Variants in CNTN5 observed in about 807,000 individuals in gnomAD.
CNTN5 encodes contactin-5.
Under a neutral mutation model 129.1 loss-of-function variants are expected in CNTN5, and 77 were observed. The ratio of observed to expected loss-of-function variants is 0.60; its 90% confidence interval spans 0.50 to 0.72. The LOEUF is 0.72. Among genes scored for constraint, CNTN5 ranks in the 30% least tolerant of loss-of-function variants. The probability of loss-of-function intolerance (pLI) is 0.00; values close to 1 mark genes in which losing one functional copy is unlikely to be tolerated. For missense variants in CNTN5, 1,478 were observed against 1,328.8 expected, an observed-to-expected ratio of 1.11 and a Z score of -1.75; for synonymous variants, 509 against 465.6, an observed-to-expected ratio of 1.09 and a Z score of -1.20.
chr11:99,216,242 G>A (rs4388849), intron 1 of CNTN5, among the ~76,000 whole-genome samples: 98,964 of 151,886 alleles, frequency 0.65, 32,636 homozygotes, highest in African/African-American at 0.74. Context: ...AAGTGAGAAC[G>A]TGTGATATTT....
intron 9 of CNTN5, among the ~76,000 whole-genome samples, chr11:100,043,440 A>C (rs1395401077): frequency 6.6e-6 from 1 of 152,194 alleles, no homozygotes; most frequent in Non-Finnish European, 1.5e-5. Context: ...CAAAAAATTT[A>C]GGAGACTTAA....
intron 2 of CNTN5, among the ~76,000 whole-genome samples, chr11:99,539,047 C>T (rs1044555043): frequency 4.6e-5 from 7 of 152,074 alleles, no homozygotes; most frequent in African/African-American, 1.7e-4. Context: ...CATGACTTTT[C>T]CAGCCACACG....
chr11:100,199,935 TA>T (rs1948736968), intron 15 of CNTN5, among the ~76,000 whole-genome samples: 1 of 152,028 alleles, frequency 6.6e-6, no homozygotes, highest in African/African-American at 2.4e-5. Flanking sequence ...AAACCTGATA[TA>T]AAGCGTTTTC....
intron 9 of CNTN5, among the ~76,000 whole-genome samples, chr11:100,020,110 T>C (rs563144636): frequency 6.6e-6 from 1 of 152,222 alleles, no homozygotes; most frequent in African/African-American, 2.4e-5. Context: ...GTTGATTGTT[T>C]GTTTTATCAG....
At chr11:99,185,281 C>A (rs912642772) in intron 1 of CNTN5, among the ~76,000 whole-genome samples, 2 of 24,892 alleles carry the variant, frequency 8.0e-5, no homozygotes, top group Non-Finnish European at 1.9e-4. Flanking sequence ...GAATCGATAA[C>A]TAAAGATTTT....
In CNTN5 at chr11:99,611,817, A is replaced by T. The variant is rs139898878; in HGVS notation, c.55+55548A>T. On this transcript the variant is annotated intron_variant, in intron 3 of 24. Coordinates refer to ENST00000524871, the MANE Select transcript of CNTN5 (RefSeq NM_014361.4). ...AAAAGTTGTCTTAACAGCCAATTGG[A>T]TAGACTGGCAGTTTTATACTTTTGG... 8.7e-3 allele frequency among the ~76,000 whole-genome samples: 1,322 copies of T among 152,298 alleles called. 9 individuals are homozygous for T. The highest frequency in any genetic ancestry group is 0.013 in the Non-Finnish European group (854 of 68,016).
At chr11:99,997,153 G>A (rs760664315) in intron 8 of CNTN5, among the ~76,000 whole-genome samples, 5 of 151,866 alleles carry the variant, frequency 3.3e-5, no homozygotes, top group East Asian at 3.9e-4. Context: ...TCTTGCTAGC[G>A]GTCTATCAAT....
At chr11:99,987,412 A>ATATATATATATATATATATATAAAGTATT in intron 8 of CNTN5, among the ~76,000 whole-genome samples, 1 of 151,810 alleles carries the variant, frequency 6.6e-6, no homozygotes, top group Non-Finnish European at 1.5e-5. Context: ...TTATATATAT[A>ATATATATATATATATATATATAAAGTATT]CACACACAGT....
chr11:99,599,095 G>A (rs981130580), intron 3 of CNTN5, among the ~76,000 whole-genome samples: 2 of 151,798 alleles, frequency 1.3e-5, no homozygotes, highest in East Asian at 3.9e-4. Context: ...ATGGTTAATT[G>A]ATTTTAAAGC....
At chr11:99,910,650 A>G (rs1038650154) in intron 6 of CNTN5, among the ~76,000 whole-genome samples, 3 of 152,056 alleles carry the variant, frequency 2.0e-5, no homozygotes, top group African/African-American at 7.2e-5. Context: ...GACTGCAGTG[A>G]ATTTTTTACT....
At chr11:99,964,056 G>T (rs184864508) in intron 8 of CNTN5, among the ~76,000 whole-genome samples, 1 of 152,126 alleles carries the variant, frequency 6.6e-6, no homozygotes, top group Non-Finnish European at 1.5e-5. Context: ...AGGAGATTTT[G>T]GGGTGAGACA....
At chr11:100,085,745 C>T (rs1944525721) in intron 13 of CNTN5, among the ~76,000 whole-genome samples, 1 of 152,156 alleles carries the variant, frequency 6.6e-6, no homozygotes, top group Admixed American at 6.6e-5. Flanking sequence ...TGCCTAAGCA[C>T]ACACACTCGT....
intron 18 of CNTN5, among the ~76,000 whole-genome samples, chr11:100,289,993 A>ACT (rs1950918767): frequency 6.6e-6 from 1 of 150,688 alleles, no homozygotes; most frequent in Non-Finnish European, 1.5e-5. Context: ...TCATGAGTGA[A>ACT]CTCCCATTCA....
chr11:100,017,537 T>A (rs544902460), intron 9 of CNTN5, among the ~76,000 whole-genome samples: 7 of 152,066 alleles, frequency 4.6e-5, no homozygotes, highest in Non-Finnish European at 1.0e-4. Flanking sequence ...AGACTAAAAT[T>A]GGCATATATA....
chr11:99,082,962 T>C (rs1478351796), intron 1 of CNTN5, among the ~76,000 whole-genome samples: 1 of 152,108 alleles, frequency 6.6e-6, no homozygotes, highest in African/African-American at 2.4e-5. Flanking sequence ...TTTAGGATTA[T>C]GGTAATTATG....
chr11:99,583,056 GC>G (rs1949667238), intron 3 of CNTN5, among the ~76,000 whole-genome samples: 1 of 152,216 alleles, frequency 6.6e-6, no homozygotes, highest in Non-Finnish European at 1.5e-5. Context: ...AGGACTCTCA[GC>G]TTCAGGTCTG....
chr11:99,636,843 T>C (rs1359624505), intron 3 of CNTN5, among the ~76,000 whole-genome samples: 2 of 149,968 alleles, frequency 1.3e-5, no homozygotes, highest in Non-Finnish European at 3.0e-5. Context: ...GTGAAACCCG[T>C]CTCTACTAAA....
chr11:99,480,627 A>G (rs1330157222), intron 2 of CNTN5, among the ~76,000 whole-genome samples: 1 of 152,192 alleles, frequency 6.6e-6, no homozygotes, highest in Non-Finnish European at 1.5e-5. Context: ...TCTTTGCTTT[A>G]CAACCTGTTT....
intron 9 of CNTN5, among the ~76,000 whole-genome samples, chr11:100,040,254 G>T (rs892548142): frequency 2.6e-5 from 4 of 152,104 alleles, no homozygotes; most frequent in Admixed American, 1.3e-4. Context: ...TGTTTGCCTG[G>T]GTATCAGCAG....
Sources: allele counts gnomAD v4.1 joint callset (sites outside exome capture counted in the v4.1 genomes callset), GRCh38; gene constraint gnomAD v4.1.1; transcripts MANE v1.5; gene names NCBI Gene and HGNC (gene_info 2026-07-23, HGNC 2026-07-21).